Variants in CCDC60 observed in about 807,000 individuals in gnomAD.
CCDC60 encodes coiled-coil domain-containing protein 60.
CCDC60 carries 54 observed loss-of-function variants against 63.5 expected under a neutral mutation model. The observed-to-expected ratio is 0.85, with a 90% CI of 0.68 to 1.07. The LOEUF is 1.07. Among genes scored for constraint, CCDC60 ranks in the 50% least tolerant of loss-of-function variants. The probability of loss-of-function intolerance (pLI) is 0.00; values close to 1 mark genes in which losing one functional copy is unlikely to be tolerated. For missense variants in CCDC60, 651 were observed against 684.3 expected (o/e 0.95, Z 0.54); for synonymous variants, 206 against 238.8 (o/e 0.86, Z 1.27).
intron 2 of CCDC60, among the ~76,000 whole-genome samples, chr12:119,430,426 G>A (rs1019246817): frequency 1.4e-4 from 21 of 152,032 alleles, no homozygotes; most frequent in African/African-American, 5.1e-4. Flanking sequence ...CAGCACTTTG[G>A]GAGGCCAAGG....
At chr12:119,453,684 A>C (rs539478411) in intron 2 of CCDC60, among the ~76,000 whole-genome samples, 1 of 152,200 alleles carries the variant, frequency 6.6e-6, no homozygotes, top group Non-Finnish European at 1.5e-5. Context: ...TGTGGGGCTT[A>C]CAGCCAAACC....
intron 13 of CCDC60, among the ~76,000 whole-genome samples, chr12:119,534,563 A>G: frequency 6.6e-6 from 1 of 152,304 alleles, no homozygotes; most frequent in Non-Finnish European, 1.5e-5. Context: ...TGTCATAAAT[A>G]GCTCTCATTA....
intron 9 of CCDC60, among the ~76,000 whole-genome samples, chr12:119,522,093 C>T (rs185550131): frequency 6.6e-6 from 1 of 152,324 alleles, no homozygotes; most frequent in East Asian, 1.9e-4. Context: ...GTTACCCACA[C>T]ATCATATTAA....
chr12:119,456,060 A>AAAGCAAGAAAGCAAGC lies in CCDC60; in HGVS notation c.171-15927_171-15926insAAAGCAAGCAAGCAAG, dbSNP rs1950742960. 8.4e-6 allele frequency among the ~76,000 whole-genome samples: 1 copy of AAAGCAAGAAAGCAAGC among 118,784 alleles called. No homozygotes were observed. The highest frequency in any genetic ancestry group is 3.2e-5 in the African/African-American group (1 of 31,380). 77.9% of individuals were successfully genotyped at this position (118,784 alleles called of 152,430 possible). A position where few individuals can be genotyped will look rare whatever the true frequency, so the allele number is the denominator to read the frequency against. ...GAAAGAAAGAAAGAAAGAAAGAAAGAAAGCAAGCAAGCATGTGCAATTTCA... is the reference window on the plus strand; with the variant it reads ...GAAAGAAAGAAAGAAAGAAAGAAAGAAAGCAAGAAAGCAAGCAAGCAAGCAAGCATGTGCAATTTCA... On this transcript the variant is annotated intron_variant, in intron 2 of 13. Coordinates refer to ENST00000327554, the MANE Select transcript of CCDC60 (RefSeq NM_178499.5). The surrounding 1 kb of genome is among the most constrained non-coding windows in gnomAD (Gnocchi z 4.6).
intron 1 of CCDC60, among the ~76,000 whole-genome samples, chr12:119,339,461 C>T (rs971656090): frequency 2.0e-5 from 3 of 152,170 alleles, no homozygotes; most frequent in Admixed American, 6.5e-5. Context: ...TTCTGGGTGA[C>T]TTGCTCATAT....
chr12:119,458,618 G>A (rs79843894), intron 2 of CCDC60, among the ~76,000 whole-genome samples: 1 of 152,192 alleles, frequency 6.6e-6, no homozygotes, highest in African/African-American at 2.4e-5. Context: ...TGTTTTGGGT[G>A]ATGTTCAATC....
At chr12:119,360,075 G>A (rs1223794966) in intron 1 of CCDC60, among the ~76,000 whole-genome samples, 4 of 151,816 alleles carry the variant, frequency 2.6e-5, no homozygotes, top group Non-Finnish European at 4.4e-5. Context: ...GGTGGTGGCC[G>A]GGCAGAGGGG....
chr12:119,472,239 C>G (rs1302845056), intron 3 of CCDC60, 75 bp downstream of exon 3: 1 of 1,389,442 alleles, frequency 7.2e-7, no homozygotes. Context: ...CTGGTAAGGT[C>G]AAGCGAGGGC....
chr12:119,475,940 A>G (rs189245519), intron 3 of CCDC60, among the ~76,000 whole-genome samples: 87 of 152,356 alleles, frequency 5.7e-4, no homozygotes, highest in African/African-American at 6.5e-4. Context: ...GCTGAAAAGC[A>G]TCTCACATCT....
intron 1 of CCDC60, among the ~76,000 whole-genome samples, chr12:119,363,473 T>A (rs1238792963): frequency 6.6e-6 from 1 of 151,934 alleles, no homozygotes; most frequent in Non-Finnish European, 1.5e-5. Context: ...TTTATTCCTT[T>A]AATGGTGCCT....
chr12:119,339,885 G>T (rs1457546513), intron 1 of CCDC60, among the ~76,000 whole-genome samples: 1 of 152,192 alleles, frequency 6.6e-6, no homozygotes, highest in Non-Finnish European at 1.5e-5. Flanking sequence ...GCGAGATCCT[G>T]TCTCAGTAAA....
At position 119,463,165 on chromosome 12, in the gene CCDC60, G is replaced by A. The variant is rs12422843; in HGVS notation, c.171-8829G>A. Among the ~76,000 whole-genome samples, 1,343 of 152,288 alleles carry A rather than the reference G, an allele frequency of 8.8e-3. 11 individuals are homozygous for A. Among genetic ancestry groups the A allele is most frequent in the Non-Finnish European group, 0.015 (990 of 68,026 alleles). On this transcript the variant is annotated intron_variant, in intron 2 of 13. Transcript: ENST00000327554. ...TCTCTGCCCCTACAGACCACAGTCT[G>A]TCTCAGGATCCAACAGGTCACTCTG... is the stretch of plus-strand genomic sequence containing the variant.
intron 1 of CCDC60, among the ~76,000 whole-genome samples, chr12:119,389,502 A>C (rs1956119076): frequency 6.6e-6 from 1 of 152,064 alleles, no homozygotes; most frequent in South Asian, 2.1e-4. Context: ...TTGAGCCCCA[A>C]GTTGCCCACG....
At chr12:119,395,762 G>A (rs994229912) in intron 1 of CCDC60, among the ~76,000 whole-genome samples, 1 of 152,192 alleles carries the variant, frequency 6.6e-6, no homozygotes, top group East Asian at 1.9e-4. Context: ...CTCAGGAGGT[G>A]AGAAGTCCAA....
Position 119,359,476 on chromosome 12 carries a change from G to C in CCDC60, c.90+24210G>C, listed in dbSNP as rs535340994. 1.2e-4 allele frequency among the ~76,000 whole-genome samples: 18 copies of C among 151,600 alleles called. No homozygotes were observed. The South Asian group carries it at 3.6e-3, about 30-fold the overall frequency. On this transcript the variant is annotated intron_variant, in intron 1 of 13. Coordinates refer to ENST00000327554, the MANE Select transcript of CCDC60 (RefSeq NM_178499.5). Reference sequence around the variant, plus strand: ...AGTACTGTCCTCAAGAATAAATATTGAGAATATTGAGTACTTATACATATA... The same window carrying C: ...AGTACTGTCCTCAAGAATAAATATTCAGAATATTGAGTACTTATACATATA...
intron 3 of CCDC60, among the ~76,000 whole-genome samples, chr12:119,475,619 C>G (rs2136335466): frequency 6.6e-6 from 1 of 152,262 alleles, no homozygotes; most frequent in Admixed American, 6.5e-5. Context: ...TTGTCTACAC[C>G]CAGACAGGGT....
At chr12:119,469,834 G>A (rs186628839) in intron 2 of CCDC60, among the ~76,000 whole-genome samples, 14 of 152,322 alleles carry the variant, frequency 9.2e-5, no homozygotes, top group East Asian at 1.9e-4. Context: ...AACACAGGCC[G>A]ATGCAATAGA....
chr12:119,481,350 C>G (rs1002923989), intron 4 of CCDC60, among the ~76,000 whole-genome samples: 1 of 152,164 alleles, frequency 6.6e-6, no homozygotes, highest in Non-Finnish European at 1.5e-5. Context: ...ACTTCTGAAA[C>G]CAATTGGAAT....
chr12:119,365,780 G>T (rs1349592727), intron 1 of CCDC60, among the ~76,000 whole-genome samples: 1 of 152,190 alleles, frequency 6.6e-6, no homozygotes, highest in Non-Finnish European at 1.5e-5. Flanking sequence ...GAAATATGTG[G>T]TATTAACAGA....
Sources: gnomAD v4.1 joint callset for allele counts (sites outside exome capture counted in the v4.1 genomes callset) on GRCh38, gnomAD v4.1.1 for gene constraint, Gnocchi (gnomAD v3.1) non-coding constraint, MANE v1.5 for transcripts, NCBI Gene and HGNC (gene_info 2026-07-23, HGNC 2026-07-21) for gene names.